Variants in ZNF175 observed in about 807,000 individuals in gnomAD.
ZNF175 encodes zinc finger protein OTK18.
In ZNF175, 8 loss-of-function variants were observed where a neutral mutation model predicts 14.0. The ratio of observed to expected loss-of-function variants is 0.57; its 90% CI spans 0.34 to 1.03. The LOEUF (loss-of-function observed/expected upper bound fraction) is 1.03. Ranked by LOEUF, ZNF175 falls within the 50% of genes least tolerant of loss-of-function variation. The pLI is 0.03. For missense variants in ZNF175, 764 were observed against 849.5 expected, an observed-to-expected ratio of 0.90 and a Z score of 1.25; for synonymous variants, 255 against 296.8, an observed-to-expected ratio of 0.86 and a Z score of 1.45.
intron 4 of ZNF175, 102 bp from the exon 5 acceptor site, chr19:51,586,525 C>A: frequency 8.5e-7 from 1 of 1,170,714 alleles, no homozygotes; most frequent in Non-Finnish European, 1.2e-6. Flanking sequence ...AGCATTATTA[C>A]ATGACTCAGC....
chr19:51,572,422 T>C (rs1981624084), intron 1 of ZNF175, among the ~76,000 whole-genome samples: 2 of 152,240 alleles, frequency 1.3e-5, no homozygotes, highest in South Asian at 4.1e-4. Flanking sequence ...AAGATGGGGA[T>C]TGGGACAGTG....
Position 51,589,263 on chromosome 19 carries a change from TGTATGC to T in ZNF175, c.*802_*807del. 2.4e-6 allele frequency: 1 copy of T among 419,640 alleles called. No homozygotes were observed. The highest frequency in any genetic ancestry group is 4.1e-6 in the Non-Finnish European group (1 of 243,758). The allele number at this position is 419,640 out of a possible 1,614,324, so 26.0% of individuals were successfully genotyped here. On this transcript the variant is annotated 3_prime_UTR_variant, in exon 5 of 5. Transcript: ENST00000262259. Reference sequence around the variant, plus strand: ...ATATGGTCTGGTCAGCATATGTGTATGTATGCGTATGTATGTATGTATGTATGCCCT... The same window carrying T: ...ATATGGTCTGGTCAGCATATGTGTATGTATGTATGTATGTATGTATGCCCT...
chr19:51,586,986 GAC>G lies in ZNF175; in HGVS notation c.659_660del (p.Thr220ArgfsTer4). The G allele has an allele frequency of 6.2e-7, 1 of 1,614,198 alleles. No individual in the cohort carries two copies. Among genetic ancestry groups the G allele is most frequent in the Non-Finnish European group, 8.5e-7 (1 of 1,180,030 alleles). ...AGTGAACGGTCAGAATGAAAGCAAT[GAC>G]ACAGAACAGCTTGATGACGTTGTTG... is the stretch of plus-strand genomic sequence containing the variant. ...LEVNGQNESN[D>X]TEQLDDVVGS... On this transcript the variant is annotated frameshift_variant, in exon 5 of 5. Coordinates refer to ENST00000262259, the MANE Select transcript of ZNF175 (RefSeq NM_007147.4). LOFTEE classifies it low-confidence loss of function (END_TRUNC).
chr19:51,572,926 T>C (rs1313105989), intron 1 of ZNF175, among the ~76,000 whole-genome samples: 1 of 152,252 alleles, frequency 6.6e-6, no homozygotes, highest in African/African-American at 2.4e-5. Flanking sequence ...ACAACTAAAG[T>C]AATATTTTCA....
intron 4 of ZNF175, among the ~76,000 whole-genome samples, chr19:51,585,187 C>G (rs3752): frequency 0.2 from 30,184 of 152,162 alleles, 3,518 homozygotes; most frequent in Middle Eastern, 0.33. Context: ...GCGGATGAAT[C>G]TTATCATGAT....
intron 2 of ZNF175, among the ~76,000 whole-genome samples, chr19:51,578,817 C>T (rs1027370678): frequency 6.6e-6 from 1 of 152,052 alleles, no homozygotes; most frequent in African/African-American, 2.4e-5. Context: ...TGAGATACTC[C>T]TTCAGAAACA....
rs1555785256 is a variant in ZNF175, at chr19:51,577,663, C to CTCT, written c.73-3727_73-3726insCTT. On this transcript the variant is annotated intron_variant, in intron 2 of 4. Transcript: ENST00000262259. Reference sequence around the variant, plus strand: ...TTTTACAAAATACTCCTTTCTCTCTCTTTTTTTTTTTTTTTTTTGAGATGG... The same window carrying CTCT: ...TTTTACAAAATACTCCTTTCTCTCTCTCTTTTTTTTTTTTTTTTTTTGAGATGG... Among the ~76,000 whole-genome samples the CTCT allele has an allele frequency of 1.5e-4, 19 of 127,244 alleles. No homozygotes were observed. In the East Asian group the frequency reaches 4.2e-3, roughly 28 times the overall value. 83.5% of individuals were successfully genotyped at this position (127,244 alleles called of 152,430 possible).
intron 2 of ZNF175, among the ~76,000 whole-genome samples, chr19:51,575,607 T>G (rs896371378): frequency 2.1e-4 from 32 of 152,218 alleles, no homozygotes; most frequent in African/African-American, 7.5e-4. Flanking sequence ...GATGGTTTTG[T>G]GAAGCCTGTA....
rs181322258 is a variant in ZNF175, at chr19:51,573,190, T to A, written c.-140T>A. The A allele has an allele frequency of 4.7e-5, 37 of 793,466 alleles. No homozygotes were observed. The East Asian group carries it at 9.0e-4, about 19-fold the overall frequency. The allele number at this position is 793,466 out of a possible 1,614,324, so 49.2% of individuals were successfully genotyped here. A position where few individuals can be genotyped will look rare whatever the true frequency, so the allele number is the denominator to read the frequency against. ...CCAGGTCAGGCCACATCATTGAGGCTGCAGGATCTCTCTTCATAGCCCAGT... is the reference window on the plus strand; with the variant it reads ...CCAGGTCAGGCCACATCATTGAGGCAGCAGGATCTCTCTTCATAGCCCAGT... On this transcript the variant is annotated 5_prime_UTR_variant, in exon 2 of 5. Transcript: ENST00000262259.
chr19:51,588,554 A>G lies in ZNF175; in HGVS notation c.*87A>G, dbSNP rs1283136322. On this transcript the variant is annotated 3_prime_UTR_variant, in exon 5 of 5. Transcript: ENST00000262259. ...AATCTTCTCAGAATCAGGTCTAATT[A>G]TATGTTATTGAATTCATGCTTCAGA... 16 of 1,409,672 alleles carry G rather than the reference A, an allele frequency of 1.1e-5. No homozygotes were observed. The highest frequency in any genetic ancestry group is 1.5e-5 in the Non-Finnish European group (16 of 1,065,238). 87.3% of individuals were successfully genotyped at this position (1,409,672 alleles called of 1,614,324 possible).
chr19:51,572,471 T>C (rs1981625876), intron 1 of ZNF175, among the ~76,000 whole-genome samples: 1 of 152,188 alleles, frequency 6.6e-6, no homozygotes, highest in Non-Finnish European at 1.5e-5. Context: ...GGCTGGTCTG[T>C]GTGTGGTGTA....
At chr19:51,583,834 T>C (rs1296231292) in intron 4 of ZNF175, among the ~76,000 whole-genome samples, 1 of 152,224 alleles carries the variant, frequency 6.6e-6, no homozygotes, top group Admixed American at 6.5e-5. Context: ...TTGTTTAATG[T>C]CTACTCCATA....
rs1011636230 is a variant in ZNF175 at position 51,589,793 on chromosome 19, C to T, written c.*1326C>T. 2.3e-5 allele frequency: 13 copies of T among 560,412 alleles called. No homozygotes were observed. Among genetic ancestry groups the T allele is most frequent in the African/African-American group, 3.7e-5 (2 of 53,436 alleles). 34.7% of individuals were successfully genotyped at this position (560,412 alleles called of 1,614,324 possible). A position where few individuals can be genotyped will look rare whatever the true frequency, so the allele number is the denominator to read the frequency against. ...CACTGGCAGAATTGAGTAGTTTTGG[C>T]GGAGATCAAATAGCCCCCAAGCTGG... On this transcript the variant is annotated 3_prime_UTR_variant, in exon 5 of 5. Transcript: ENST00000262259.
intron 4 of ZNF175, among the ~76,000 whole-genome samples, chr19:51,582,295 G>GT (rs1982032181): frequency 6.6e-6 from 1 of 151,600 alleles, no homozygotes; most frequent in Non-Finnish European, 1.5e-5. Flanking sequence ...ATTTTTTTTT[G>GT]TTTTTGGTTT....
intron 1 of ZNF175, 64 bp from the exon 2 acceptor site, chr19:51,573,086 C>T: frequency 2.0e-6 from 1 of 494,340 alleles, no homozygotes; most frequent in East Asian, 3.8e-5. Flanking sequence ...CACCTCAGTG[C>T]CCTCAGGAAA....
intron 2 of ZNF175, among the ~76,000 whole-genome samples, chr19:51,580,870 C>T (rs1313227637): frequency 6.6e-6 from 1 of 152,224 alleles, no homozygotes; most frequent in African/African-American, 2.4e-5. Flanking sequence ...TTCACCAACT[C>T]TAAGTAGCAT....
chr19:51,583,299 C>T (rs993041454), intron 4 of ZNF175, among the ~76,000 whole-genome samples: 51 of 152,124 alleles, frequency 3.4e-4, no homozygotes, highest in African/African-American at 1.1e-3. Context: ...CTTAGCTCCA[C>T]GGAGGACAGT....
At position 51,576,152 on chromosome 19, in the gene ZNF175, G is replaced by GT. The variant is rs369470286; in HGVS notation, c.72+2766dup. ...TATTTCAGGGACAGTTTTTTTTTTT[G>GT]TTTTTTTTTTTTTTTGAGACAGAGT... On this transcript the variant is annotated intron_variant, in intron 2 of 4. Transcript: ENST00000262259. Among the ~76,000 whole-genome samples the GT allele has an allele frequency of 5.9e-3, 770 of 130,924 alleles. 5 individuals are homozygous for GT. Among genetic ancestry groups the GT allele is most frequent in the African/African-American group, 0.013 (483 of 36,078 alleles). The allele number at this position is 130,924 out of a possible 152,430, so 85.9% of individuals were successfully genotyped here. A position where few individuals can be genotyped will look rare whatever the true frequency, so the allele number is the denominator to read the frequency against.
Position 51,587,093 on chromosome 19 carries a change from T to C in ZNF175, c.762T>C (p.Gly254=). 6.2e-7 allele frequency: 1 copy of C among 1,614,142 alleles called. No individual in the cohort carries two copies. The highest frequency in any genetic ancestry group is 1.3e-5 in the African/African-American group (1 of 75,022). ...ATACAGGAGAGACATTTTGCAAAGG[T>C]AACCAGTGTAGAAAAGTCTGTGGCC... is the stretch of plus-strand genomic sequence containing the variant. ...NIHTGETFCK[G]NQCRKVCGHK... is the part of the protein sequence containing the mutation. The change falls in exon 5 of 5, where the codon GGT becomes GGC. Residue 254 remains glycine, a synonymous_variant. Transcript: ENST00000262259.
Sources: allele counts gnomAD v4.1 joint callset (sites outside exome capture counted in the v4.1 genomes callset), GRCh38; gene constraint gnomAD v4.1.1; transcripts MANE v1.5; gene names NCBI Gene and HGNC (gene_info 2026-07-23, HGNC 2026-07-21).